Variants in ALDH1L1 observed in about 807,000 individuals in gnomAD.
The protein encoded by ALDH1L1 is aldehyde dehydrogenase 1 family member L1.
A neutral mutation model predicts 101.1 loss-of-function variants in ALDH1L1; 68 were observed. The observed-to-expected ratio is 0.67, with a 90% CI of 0.55 to 0.82. The LOEUF (loss-of-function observed/expected upper bound fraction) is 0.82. Among genes scored for constraint, ALDH1L1 ranks in the 40% least tolerant of loss-of-function variants. ALDH1L1 has a pLI of 0.00. For synonymous variants in ALDH1L1, 486 were observed against 470.8 expected, an observed-to-expected ratio of 1.03 and a Z score of -0.42; for missense variants, 1,087 against 1,172.7, an observed-to-expected ratio of 0.93 and a Z score of 1.07.
chr3:126,109,892 T>C, intron 20 of ALDH1L1, 52 bp downstream of exon 20: 1 of 1,600,944 alleles, frequency 6.2e-7, no homozygotes, highest in Non-Finnish European at 8.5e-7. Context: ...CCAGAGGCCA[T>C]GGGACCTGCT....
chr3:126,140,023 A>G (rs11926887), intron 9 of ALDH1L1, among the ~76,000 whole-genome samples: 58,074 of 151,996 alleles, frequency 0.38, 11,225 homozygotes, highest in Middle Eastern at 0.5. Context: ...GTTCCCAAAC[A>G]TGAGGAAAGA....
At chr3:126,135,275 C>T (rs1209073256) in intron 12 of ALDH1L1, 2 of 348,316 alleles carry the variant, frequency 5.7e-6, no homozygotes, top group Non-Finnish European at 1.0e-5. Context: ...GCTTCCGCAC[C>T]TCCTCACCTC....
At chr3:126,162,429 G>A (rs1171374828) in intron 1 of ALDH1L1, among the ~76,000 whole-genome samples, 6 of 152,170 alleles carry the variant, frequency 3.9e-5, no homozygotes, top group Non-Finnish European at 8.8e-5. Context: ...CAATGAAGTC[G>A]AATGCCTTTT....
intron 20 of ALDH1L1, 92 bp from the exon 21 acceptor site, chr3:126,107,338 C>T: frequency 9.8e-7 from 1 of 1,022,502 alleles, no homozygotes; most frequent in African/African-American, 1.6e-5. Context: ...ACACCAGCCA[C>T]CTGCGGATGA....
At position 126,158,486 on chromosome 3, in the gene ALDH1L1, A is replaced by T; in HGVS notation, c.281T>A (p.Ile94Lys). 1 of 1,614,104 alleles carries T rather than the reference A, an allele frequency of 6.2e-7. No homozygotes were observed. Residue 94 changes from isoleucine to lysine, a missense_variant, in exon 3 of 23, where the codon ATA becomes AAA. Physicochemically the swap from Ile to Lys is moderately radical, Grantham distance 102. This residue lies in a region of ALDH1L1 where 645 missense variants were observed against 637.0 expected (regional missense o/e 1.01). Transcript: ENST00000393434. The part of the protein sequence containing the change: ...PFCSQFIPME[I>K]ISAPRHGSII... ...GGAGCCATGCCGGGGGGCACTGATT[A>T]TCTCCATGGGGATGAATTGGCTGCA...
chr3:126,186,784 G>A (rs781663327), intron 1 of ALDH1L1, among the ~76,000 whole-genome samples: 2 of 152,176 alleles, frequency 1.3e-5, no homozygotes, highest in Non-Finnish European at 2.9e-5. Flanking sequence ...AGAGGGATCC[G>A]CAGATGAGTG....
intron 9 of ALDH1L1, among the ~76,000 whole-genome samples, chr3:126,139,973 G>T (rs1342957949): frequency 2.0e-5 from 3 of 152,048 alleles, no homozygotes; most frequent in Admixed American, 6.5e-5. Flanking sequence ...AGAGAAAAAG[G>T]TTTCTCTAAA....
At chr3:126,126,659 G>A (rs534975945) in intron 14 of ALDH1L1, among the ~76,000 whole-genome samples, 3 of 152,264 alleles carry the variant, frequency 2.0e-5, no homozygotes, top group South Asian at 2.1e-4. Context: ...TGAAGCCGTC[G>A]GTTACAGTGA....
intron 3 of ALDH1L1, 85 bp downstream of exon 3, chr3:126,158,320 T>C: frequency 7.6e-7 from 1 of 1,316,260 alleles, no homozygotes; most frequent in South Asian, 1.5e-5. Flanking sequence ...GCCCTAGAAA[T>C]GCTTTGGGCT....
At position 126,103,763 on chromosome 3, in the gene ALDH1L1, G is replaced by A. The variant is rs1369700708; in HGVS notation, c.*28C>T. 1 of 1,611,082 alleles carries A rather than the reference G, an allele frequency of 6.2e-7. No homozygotes were observed. Among genetic ancestry groups the A allele is most frequent in the South Asian group, 1.1e-5 (1 of 90,290 alleles). On this transcript the variant is annotated 3_prime_UTR_variant, in exon 23 of 23. Coordinates refer to ENST00000393434, the MANE Select transcript of ALDH1L1 (RefSeq NM_012190.4). ...GGGCCCCAGCCACGAGGGAGGGGCA[G>A]GGACTTTCTTCTCACAAAGACCTTT...
chr3:126,158,617 TC>T lies in ALDH1L1; in HGVS notation c.149del (p.Gly50GlufsTer45). On this transcript the variant is annotated frameshift_variant, in exon 3 of 23. Transcript: ENST00000393434. LOFTEE classifies it high-confidence loss of function. ...ACCGGGAGTACTTGAATACCGGCACTCCATCCTTCTCAGCTTCCAGACCTGT... is the reference window on the plus strand; with the variant it reads ...ACCGGGAGTACTTGAATACCGGCACTCATCCTTCTCAGCTTCCAGACCTGT... Reference protein sequence around the residue: ...DPLGLEAEKDGVPVFKYSRWR... With the variant: ...DPLGLEAEKDXVPVFKYSRWR... The T allele has an allele frequency of 6.2e-7, 1 of 1,612,946 alleles. No homozygotes were observed. The highest frequency in any genetic ancestry group is 8.5e-7 in the Non-Finnish European group (1 of 1,179,040).
rs1333230358 is a variant in ALDH1L1, at chr3:126,109,950, G to A, written c.2341C>T (p.Arg781Trp). ...CTGACACACTCTGACTCACCTGGCC[G>A]AGGGACCTGATTCCCGCCGCAGACC... is the stretch of plus-strand genomic sequence containing the variant. The part of the protein sequence containing the change: ...TLVCGGNQVP[R>W]PGFFFEPTVF... Residue 781 changes from arginine (R) to tryptophan (W), a missense_variant, in exon 20 of 23, where the codon CGG (arginine) becomes TGG (tryptophan). Transcript: ENST00000393434. 5.6e-6 allele frequency: 9 copies of A among 1,613,896 alleles called. No homozygotes were observed. The highest frequency in any genetic ancestry group is 7.6e-6 in the Non-Finnish European group (9 of 1,179,966).
intron 16 of ALDH1L1, among the ~76,000 whole-genome samples, chr3:126,123,572 T>C (rs756249672): frequency 6.7e-6 from 1 of 149,812 alleles, no homozygotes; most frequent in Non-Finnish European, 1.5e-5. Flanking sequence ...CCAAAACTTT[T>C]TCAAATGCTT....
intron 18 of ALDH1L1, among the ~76,000 whole-genome samples, chr3:126,114,193 T>C (rs1332204084): frequency 6.6e-6 from 1 of 152,204 alleles, no homozygotes; most frequent in Non-Finnish European, 1.5e-5. Context: ...GTGAAGCAGA[T>C]CAACACATCT....
chr3:126,110,252 T>C (rs1161338899), intron 19 of ALDH1L1, 143 bp from the exon 20 acceptor site: 6 of 1,070,540 alleles, frequency 5.6e-6, no homozygotes, highest in Non-Finnish European at 8.0e-6. Context: ...ATTCTGACTC[T>C]AAATCCACCT....
intron 7 of ALDH1L1, 162 bp downstream of exon 7, chr3:126,153,282 C>T (rs1237230027): frequency 1.8e-6 from 2 of 1,100,532 alleles, no homozygotes; most frequent in South Asian, 1.3e-5. Flanking sequence ...GTGCTCAGGA[C>T]CAGCCGGGTG....
intron 11 of ALDH1L1, 47 bp from the exon 12 acceptor site, chr3:126,135,709 A>G (rs760341828): frequency 1.4e-6 from 2 of 1,465,446 alleles, no homozygotes; most frequent in Non-Finnish European, 1.8e-6. Flanking sequence ...AGCCAGTTGC[A>G]CACAGATACC....
intron 20 of ALDH1L1, chr3:126,108,033 G>C (rs1318636577): frequency 3.3e-5 from 5 of 152,164 alleles, no homozygotes; most frequent in African/African-American, 1.2e-4. Flanking sequence ...ATGTTAAAAA[G>C]TTATTTAATA....
In ALDH1L1 at chr3:126,158,477, G is replaced by C. The variant is rs777289095; in HGVS notation, c.290C>G (p.Ala97Gly). 6.2e-7 allele frequency: 1 copy of C among 1,614,020 alleles called. No individual in the cohort carries two copies. The highest frequency in any genetic ancestry group is 8.5e-7 in the Non-Finnish European group (1 of 1,179,922). Reference sequence around the variant, plus strand: ...ATAGATGATGGAGCCATGCCGGGGGGCACTGATTATCTCCATGGGGATGAA... The same window carrying C: ...ATAGATGATGGAGCCATGCCGGGGGCCACTGATTATCTCCATGGGGATGAA... ...SQFIPMEIISAPRHGSIIYHP... is the reference protein window; with the variant it reads ...SQFIPMEIISGPRHGSIIYHP... The change falls in exon 3 of 23, where the codon GCC becomes GGC. Residue 97 changes from alanine (A) to glycine (G), a missense_variant. Physicochemically the swap from Ala to Gly is moderately conservative, Grantham distance 60 (BLOSUM62 0). Coordinates refer to ENST00000393434, the MANE Select transcript of ALDH1L1 (RefSeq NM_012190.4).
Sources: gnomAD v4.1 joint callset for allele counts (sites outside exome capture counted in the v4.1 genomes callset) on GRCh38, gnomAD v4.1.1 for gene constraint, gnomAD v4.1.1 regional missense constraint, MANE v1.5 for transcripts, NCBI Gene and HGNC (gene_info 2026-07-23, HGNC 2026-07-21) for gene names.